Variants in SYNE2 observed in about 807,000 individuals in gnomAD.
The protein encoded by SYNE2 is spectrin repeat containing nuclear envelope protein 2.
SYNE2 carries 431 observed loss-of-function variants against 856.3 expected under a neutral mutation model. The observed-to-expected ratio is 0.50, with a 90% CI of 0.47 to 0.55. The LOEUF (loss-of-function observed/expected upper bound fraction) is 0.55. SYNE2 is among the 20% of genes least tolerant of loss of function. The probability of loss-of-function intolerance (pLI) is 0.00; values close to 1 mark genes in which losing one functional copy is unlikely to be tolerated. For synonymous variants in SYNE2, 2,923 were observed against 2,872.3 expected (o/e 1.02, Z -0.56); for missense variants, 8,129 against 8,023.2 (o/e 1.01, Z -0.50).
At chr14:63,848,148 A>G (rs1038281556), upstream of SYNE2, 1 of 152,088 alleles carries the variant, frequency 6.6e-6, no homozygotes, top group Non-Finnish European at 1.5e-5. Context: ...AAACCTCCCA[A>G]ATTGCTGGGA....
intron 2 of SYNE2, among the ~76,000 whole-genome samples, chr14:63,915,766 G>A (rs911027983): frequency 2.6e-5 from 4 of 151,960 alleles, no homozygotes; most frequent in African/African-American, 7.3e-5. Context: ...TCCTTACTTC[G>A]TAGGGTTCAG....
intron 60 of SYNE2, among the ~76,000 whole-genome samples, chr14:64,092,996 A>G (rs1260667925): frequency 1.4e-5 from 2 of 143,546 alleles, no homozygotes; most frequent in Non-Finnish European, 1.5e-5. Context: ...AAAATGGTGT[A>G]TGTGACTTGT....
At chr14:63,956,180 C>T (rs557953943) in intron 8 of SYNE2, among the ~76,000 whole-genome samples, 1 of 152,286 alleles carries the variant, frequency 6.6e-6, no homozygotes, top group East Asian at 1.9e-4. Flanking sequence ...ACTGCTATGA[C>T]TGATTTCAAG....
chr14:63,986,982 G>A (rs1253251055), intron 19 of SYNE2, among the ~76,000 whole-genome samples: 2 of 152,140 alleles, frequency 1.3e-5, no homozygotes, highest in South Asian at 2.1e-4. Flanking sequence ...GGCTGGGCGC[G>A]GTGGCTCACA....
intron 45 of SYNE2, among the ~76,000 whole-genome samples, chr14:64,045,542 G>T (rs1479758676): frequency 6.6e-6 from 1 of 152,160 alleles, no homozygotes; most frequent in African/African-American, 2.4e-5. Context: ...GCACCTACTG[G>T]CCAGTGAAAC....
chr14:64,147,304 T>G (rs1465428316), intron 84 of SYNE2, among the ~76,000 whole-genome samples: 1 of 152,174 alleles, frequency 6.6e-6, no homozygotes, highest in Non-Finnish European at 1.5e-5. Flanking sequence ...GCCAGCCTCC[T>G]CCCTCATTTC....
In SYNE2 at chr14:64,011,523, G is replaced by A. The variant is rs553639605; in HGVS notation, c.4728+1407G>A. Among the ~76,000 whole-genome samples the A allele has an allele frequency of 3.3e-5, 5 of 152,250 alleles. No individual in the cohort carries two copies. The East Asian group carries it at 9.6e-4, about 29-fold the overall frequency. ...ATAGCCACCCTTCTGCCGTGTCCCC[G>A]ATAGCAGTCTCCTACCTTGTACTCT... On this transcript the variant is annotated intron_variant, in intron 32 of 115. Transcript: ENST00000555002.
chr14:64,089,199 C>T (rs1056555555), intron 58 of SYNE2, among the ~76,000 whole-genome samples: 2 of 151,666 alleles, frequency 1.3e-5, no homozygotes, highest in Non-Finnish European at 2.9e-5. Flanking sequence ...AACTCCGTCT[C>T]TACTAAAAAT....
intron 23 of SYNE2, 66 bp from the exon 24 acceptor site, chr14:63,996,881 T>C: frequency 6.9e-7 from 1 of 1,458,970 alleles, no homozygotes; most frequent in Non-Finnish European, 9.5e-7. Flanking sequence ...TGTTAGTTTC[T>C]AGTCCTTATG....
rs1595748236 is a variant in SYNE2 at position 64,134,207 on chromosome 14, G to A, written c.14646+7G>A. 3 of 1,613,920 alleles carry A rather than the reference G, an allele frequency of 1.9e-6. No homozygotes were observed. Among genetic ancestry groups the A allele is most frequent in the Non-Finnish European group, 2.5e-6 (3 of 1,179,868 alleles). On this transcript the variant is annotated splice_region_variant and intron_variant, in intron 78 of 115. Transcript: ENST00000555002. The stretch of plus-strand genomic sequence containing the variant: ...AAGGATTTCATTTTACCAGGTATTT[G>A]TCTTCCATTTAAGTTATCAAAGGCG...
At chr14:63,897,021 G>A (rs1566741512) in intron 1 of SYNE2, among the ~76,000 whole-genome samples, 1 of 152,188 alleles carries the variant, frequency 6.6e-6, no homozygotes, top group Admixed American at 6.5e-5. Context: ...GGAGGCCAAG[G>A]CAGGCAGATC....
At position 64,017,602 on chromosome 14, in the gene SYNE2, A is replaced by C. The variant is rs2096903260; in HGVS notation, c.4895A>C (p.Glu1632Ala). Residue 1632 changes from glutamate to alanine, a missense_variant, in exon 34 of 116, where the codon GAG (glutamate) becomes GCG (alanine). Transcript: ENST00000555002. ...IIVDRWLDIN[E>A]KTEDYYENLG... ...CTTTTTAAATTATGGTAGATAAATG[A>C]GAAGACAGAAGATTACTATGAAAAT... 2 of 1,611,700 alleles carry C rather than the reference A, an allele frequency of 1.2e-6. No homozygotes were observed. Among genetic ancestry groups the C allele is most frequent in the Non-Finnish European group, 1.7e-6 (2 of 1,178,522 alleles).
intron 1 of SYNE2, among the ~76,000 whole-genome samples, chr14:63,883,830 G>C (rs186103122): frequency 1.3e-5 from 2 of 150,188 alleles, no homozygotes; most frequent in Admixed American, 6.6e-5. Context: ...ATGTAGCCTT[G>C]GTTATATTGC....
intron 90 of SYNE2, 36 bp downstream of exon 90, chr14:64,165,446 C>A: frequency 6.2e-7 from 1 of 1,607,242 alleles, no homozygotes; most frequent in Non-Finnish European, 8.5e-7. Context: ...AGGGCTTAGA[C>A]TCACCATAAG....
chr14:64,175,855 G>C (rs893868622), intron 95 of SYNE2, among the ~76,000 whole-genome samples: 2 of 152,164 alleles, frequency 1.3e-5, no homozygotes, highest in African/African-American at 4.8e-5. Context: ...GTTAGGGCTT[G>C]AAAATTTCTC....
At chr14:64,215,609 G>C (rs1301307860) in intron 107 of SYNE2, 1 of 576,484 alleles carries the variant, frequency 1.7e-6, no homozygotes, top group African/African-American at 1.9e-5. Flanking sequence ...AATTTTTCAT[G>C]GTGCCTGTTT....
intron 88 of SYNE2, 108 bp from the exon 89 acceptor site, chr14:64,163,294 T>G: frequency 7.9e-7 from 1 of 1,263,828 alleles, no homozygotes; most frequent in Non-Finnish European, 1.1e-6. Context: ...AGATCATGCC[T>G]ACGTTTTCAG....
chr14:63,972,157 T>C (rs2096484320), intron 11 of SYNE2, among the ~76,000 whole-genome samples: 6 of 152,200 alleles, frequency 3.9e-5, no homozygotes, highest in Admixed American at 3.9e-4. Flanking sequence ...TATTGCATTG[T>C]CAGTTTCTAT....
At chr14:64,088,730 A>G (rs2097582517) in intron 58 of SYNE2, among the ~76,000 whole-genome samples, 1 of 152,212 alleles carries the variant, frequency 6.6e-6, no homozygotes, top group African/African-American at 2.4e-5. Context: ...TTGAAACATC[A>G]GAAGCATTTA....
Sources: allele counts gnomAD v4.1 joint callset (sites outside exome capture counted in the v4.1 genomes callset), GRCh38; gene constraint gnomAD v4.1.1; transcripts MANE v1.5; gene names NCBI Gene and HGNC (gene_info 2026-07-23, HGNC 2026-07-21).